The following RHOT1 variants were observed in gnomAD, a reference collection of about 807,000 sequenced individuals.
RHOT1 encodes mitochondrial Rho GTPase 1.
A neutral mutation model predicts 95.3 loss-of-function variants in RHOT1; 27 were observed. That is an observed-to-expected ratio of 0.28 (90% CI 0.21 to 0.39). The LOEUF (loss-of-function observed/expected upper bound fraction) is 0.39, where lower values mean the gene tolerates loss of function less well. RHOT1 is among the 10% of genes least tolerant of loss of function. The pLI is 1.00. For missense variants in RHOT1, 578 were observed against 786.7 expected, an observed-to-expected ratio of 0.73 and a Z score of 3.17; for synonymous variants, 227 against 263.5, an observed-to-expected ratio of 0.86 and a Z score of 1.34.
chr17:32,221,101 C>G (rs1598480939), intron 19 of RHOT1: 1 of 956,490 alleles, frequency 1.0e-6, no homozygotes, highest in Non-Finnish European at 1.2e-6. Flanking sequence ...GGCGTGGTGG[C>G]TCACGCCTGT....
intron 1 of RHOT1, among the ~76,000 whole-genome samples, chr17:32,149,631 A>ATGTG (rs1417047494): frequency 2.6e-4 from 23 of 88,148 alleles, no homozygotes; most frequent in Admixed American, 3.4e-4. Flanking sequence ...ATATATATAT[A>ATGTG]TATATGTGTG....
rs780089419 is a variant in RHOT1, at chr17:32,199,514, G to A, written c.1064G>A (p.Gly355Asp). ...VNNTVCTNER[G>D]WITYQGFLSQ... ...AACACAGTTTGTACCAATGAAAGAG[G>A]CTGGATAACCTACCAGGGATTCCTT... Residue 355 changes from glycine to aspartate, a missense_variant, in exon 13 of 20, where the codon GGC becomes GAC. This residue lies in a region of RHOT1 where 227 missense variants were observed against 316.0 expected (regional missense o/e 0.72). Coordinates refer to ENST00000545287, the MANE Select transcript of RHOT1 (RefSeq NM_001033566.3). 4 of 1,612,110 alleles carry A rather than the reference G, an allele frequency of 2.5e-6. No homozygotes were observed. Among genetic ancestry groups the A allele is most frequent in the Non-Finnish European group, 2.5e-6 (3 of 1,179,614 alleles).
At chr17:32,214,474 A>C (rs1212497992) in intron 19 of RHOT1, among the ~76,000 whole-genome samples, 1 of 152,196 alleles carries the variant, frequency 6.6e-6, no homozygotes, top group African/African-American at 2.4e-5. Flanking sequence ...CCAGCTTGCA[A>C]CCTCAGTCTT....
chr17:32,147,397 G>A (rs562515147), intron 1 of RHOT1, among the ~76,000 whole-genome samples: 4 of 152,066 alleles, frequency 2.6e-5, no homozygotes, highest in South Asian at 4.2e-4. Context: ...AGGTTAAGGC[G>A]GGAGACTTGC....
intron 13 of RHOT1, among the ~76,000 whole-genome samples, 156 bp from the exon 14 acceptor site, chr17:32,200,800 G>A (rs1051820938): frequency 4.6e-5 from 7 of 151,930 alleles, no homozygotes; most frequent in Middle Eastern, 3.4e-3. Context: ...GAATGGCAGT[G>A]TAAGAAAAAC....
chr17:32,158,049 T>C (rs982683425), intron 1 of RHOT1, among the ~76,000 whole-genome samples: 1 of 152,184 alleles, frequency 6.6e-6, no homozygotes, highest in East Asian at 1.9e-4. Flanking sequence ...AGAGACAGAA[T>C]CTCGCCACAT....
chr17:32,152,491 T>A (rs2032433312), intron 1 of RHOT1, among the ~76,000 whole-genome samples: 1 of 152,160 alleles, frequency 6.6e-6, no homozygotes, highest in African/African-American at 2.4e-5. Context: ...AGGTCTTTTC[T>A]CTCTTGGACC....
chr17:32,206,441 C>CTT lies in RHOT1; in HGVS notation c.1417-442_1417-441dup, dbSNP rs34176535. Reference sequence around the variant, plus strand: ...GAAGATACTTATTTGTCTATACTTTCTTTTTTTTTTTTTTTTTTTTTTTTT... The same window carrying CTT: ...GAAGATACTTATTTGTCTATACTTTCTTTTTTTTTTTTTTTTTTTTTTTTTTT... On this transcript the variant is annotated intron_variant, in intron 16 of 19. Coordinates refer to ENST00000545287, the MANE Select transcript of RHOT1 (RefSeq NM_001033566.3). Among the ~76,000 whole-genome samples, 101 of 67,028 alleles carry CTT rather than the reference C, an allele frequency of 1.5e-3. 12 individuals are homozygous for CTT. Among genetic ancestry groups the CTT allele is most frequent in the Non-Finnish European group, 2.1e-3 (69 of 33,320 alleles). 44.0% of individuals were successfully genotyped at this position (67,028 alleles called of 152,430 possible).
intron 1 of RHOT1, among the ~76,000 whole-genome samples, chr17:32,169,352 C>T (rs2034375592): frequency 6.6e-6 from 1 of 152,086 alleles, no homozygotes; most frequent in African/African-American, 2.4e-5. Flanking sequence ...GAATGTCTAA[C>T]AATAGTAATT....
Position 32,183,161 on chromosome 17 carries a change from A to AT in RHOT1, c.439-4dup. ...AATTGATTTCAGAGTGTAAAATTTT[A>AT]TTTTTTCAGTGTTCAGCGAAAAACC... is the stretch of plus-strand genomic sequence containing the variant. On this transcript the variant is annotated splice_polypyrimidine_tract_variant and intron_variant, in intron 7 of 19. Transcript: ENST00000545287. The AT allele has an allele frequency of 1.3e-6, 2 of 1,572,848 alleles. No individual in the cohort carries two copies. The highest frequency in any genetic ancestry group is 1.2e-5 in the South Asian group (1 of 85,626).
At chr17:32,216,887 T>C (rs1304992420) in intron 19 of RHOT1, among the ~76,000 whole-genome samples, 2 of 152,296 alleles carry the variant, frequency 1.3e-5, no homozygotes, top group East Asian at 1.9e-4. Context: ...CCTGCTTTAG[T>C]TTCTTATGAA....
At chr17:32,202,506 A>G (rs751460369) in intron 14 of RHOT1, among the ~76,000 whole-genome samples, 3 of 152,186 alleles carry the variant, frequency 2.0e-5, no homozygotes, top group Non-Finnish European at 4.4e-5. Context: ...ATACTATTTT[A>G]TGATGAAATA....
chr17:32,215,095 C>T (rs1030291329), intron 19 of RHOT1, among the ~76,000 whole-genome samples: 6 of 151,558 alleles, frequency 4.0e-5, no homozygotes, highest in African/African-American at 1.5e-4. Context: ...TTAGTTTCGC[C>T]ATGTCTCAAA....
chr17:32,149,686 C>CAT (rs1184641242), intron 1 of RHOT1, among the ~76,000 whole-genome samples: 1 of 139,086 alleles, frequency 7.2e-6, no homozygotes, highest in African/African-American at 2.6e-5. Flanking sequence ...TACATACATA[C>CAT]ACTCACACAC....
At chr17:32,197,639 A>T (rs1241588452) in intron 11 of RHOT1, among the ~76,000 whole-genome samples, 1 of 152,052 alleles carries the variant, frequency 6.6e-6, no homozygotes, top group African/African-American at 2.4e-5. Context: ...CGTGTTGTCC[A>T]GGATGGTCTC....
At chr17:32,165,336 C>CAAAAAAAA (rs773728913) in intron 1 of RHOT1, among the ~76,000 whole-genome samples, 9 of 34,328 alleles carry the variant, frequency 2.6e-4, no homozygotes, top group Non-Finnish European at 2.7e-4. Context: ...GACTCCGTCT[C>CAAAAAAAA]AAAAAAAAAA....
At chr17:32,164,294 C>T (rs762871592) in intron 1 of RHOT1, among the ~76,000 whole-genome samples, 1 of 151,678 alleles carries the variant, frequency 6.6e-6, no homozygotes, top group African/African-American at 2.4e-5. Flanking sequence ...AGTGCAGTGG[C>T]GCCGTCTTGG....
At chr17:32,185,521 C>T (rs2035977711) in intron 8 of RHOT1, among the ~76,000 whole-genome samples, 1 of 152,138 alleles carries the variant, frequency 6.6e-6, no homozygotes, top group Admixed American at 6.6e-5. Context: ...ATCCTCCCAC[C>T]TCAGCCTCCC....
chr17:32,210,326 A>G (rs1346612330), intron 18 of RHOT1, among the ~76,000 whole-genome samples: 2 of 152,132 alleles, frequency 1.3e-5, no homozygotes, highest in African/African-American at 2.4e-5. Context: ...CCGAGGTGAA[A>G]TGGGTTGCCC....
Sources: allele counts gnomAD v4.1 joint callset (sites outside exome capture counted in the v4.1 genomes callset), GRCh38; gene constraint gnomAD v4.1.1; regional missense constraint gnomAD v4.1.1; transcripts MANE v1.5; gene names NCBI Gene and HGNC (gene_info 2026-07-23, HGNC 2026-07-21).